The following CNTNAP5 variants were observed in gnomAD, a reference collection of about 807,000 sequenced individuals.
The protein encoded by CNTNAP5 is contactin-associated protein-like 5.
Under a neutral mutation model 150.2 loss-of-function variants are expected in CNTNAP5, and 72 were observed. The observed-to-expected ratio is 0.48, with a 90% CI of 0.40 to 0.58. The LOEUF (loss-of-function observed/expected upper bound fraction) is 0.58, where lower values mean the gene tolerates loss of function less well. Among genes scored for constraint, CNTNAP5 ranks in the 20% least tolerant of loss-of-function variants. The pLI, the probability that CNTNAP5 is intolerant of heterozygous loss-of-function variation, is 0.00. For synonymous variants in CNTNAP5, 672 were observed against 619.8 expected (o/e 1.08, Z -1.25); for missense variants, 1,636 against 1,626.2 (o/e 1.01, Z -0.10).
In CNTNAP5 at chr2:124,798,369, G is replaced by A. The variant is rs757570313; in HGVS notation, c.3217+49G>A. 6.0e-5 allele frequency: 81 copies of A among 1,358,036 alleles called. No homozygotes were observed. The South Asian group carries it at 8.7e-4, about 15-fold the overall frequency. The allele number at this position is 1,358,036 out of a possible 1,614,324, so 84.1% of individuals were successfully genotyped here. On this transcript the variant is annotated intron_variant, in intron 19 of 23. Coordinates refer to ENST00000682447, the MANE Select transcript of CNTNAP5 (RefSeq NM_001367498.1). The stretch of plus-strand genomic sequence containing the variant: ...AGCGGAGTCTCAGCCTGGGCTGGAG[G>A]GACGGTGCATGCCCTCCAGAACTCT...
intron 3 of CNTNAP5, among the ~76,000 whole-genome samples, chr2:124,289,561 T>C (rs994229250): frequency 1.3e-5 from 2 of 152,220 alleles, no homozygotes; most frequent in South Asian, 4.1e-4. Context: ...AGAAGAAACG[T>C]AATAAAATGA....
At chr2:124,746,175 A>T (rs1680599089) in intron 13 of CNTNAP5, among the ~76,000 whole-genome samples, 1 of 152,192 alleles carries the variant, frequency 6.6e-6, no homozygotes, top group African/African-American at 2.4e-5. Flanking sequence ...AATCACAAAT[A>T]AGACAATTAC....
chr2:124,889,703 G>A (rs1678154470), intron 21 of CNTNAP5, among the ~76,000 whole-genome samples: 1 of 152,148 alleles, frequency 6.6e-6, no homozygotes, highest in Admixed American at 6.5e-5. Flanking sequence ...TTGTCTGTTA[G>A]TGCTAATGCC....
chr2:124,652,115 A>G (rs1209984833), intron 13 of CNTNAP5, among the ~76,000 whole-genome samples: 6 of 152,306 alleles, frequency 3.9e-5, no homozygotes, highest in East Asian at 1.9e-4. Flanking sequence ...AGAACTACTG[A>G]TAAGTGCCAA....
intron 14 of CNTNAP5, among the ~76,000 whole-genome samples, chr2:124,751,592 A>T (rs540842137): frequency 6.6e-6 from 1 of 152,350 alleles, no homozygotes; most frequent in South Asian, 2.1e-4. Flanking sequence ...CATGCAACTT[A>T]TTTCTTGACA....
intron 12 of CNTNAP5, among the ~76,000 whole-genome samples, chr2:124,611,931 T>A (rs544285678): frequency 1.5e-3 from 221 of 152,314 alleles, no homozygotes; most frequent in Non-Finnish European, 2.9e-3. Flanking sequence ...TTTTTTTATC[T>A]CCATCTAACG....
intron 1 of CNTNAP5, among the ~76,000 whole-genome samples, chr2:124,038,919 G>T (rs1030508669): frequency 6.6e-6 from 1 of 152,328 alleles, no homozygotes; most frequent in Non-Finnish European, 1.5e-5. Flanking sequence ...GAGCCACACT[G>T]GGTGTGCCCC....
At chr2:124,128,459 G>T (rs1353957415) in intron 1 of CNTNAP5, among the ~76,000 whole-genome samples, 1 of 152,146 alleles carries the variant, frequency 6.6e-6, no homozygotes, top group African/African-American at 2.4e-5. Flanking sequence ...TTACACTGTT[G>T]GTGGGACTGT....
At chr2:124,840,503 C>T (rs758041662) in intron 19 of CNTNAP5, among the ~76,000 whole-genome samples, 5 of 152,144 alleles carry the variant, frequency 3.3e-5, no homozygotes, top group African/African-American at 7.2e-5. Flanking sequence ...ATCCAGCAAA[C>T]GAAAGGTGGA....
chr2:124,727,947 A>G (rs1045860320), intron 13 of CNTNAP5, among the ~76,000 whole-genome samples: 20 of 152,182 alleles, frequency 1.3e-4, no homozygotes, highest in African/African-American at 3.8e-4. Context: ...TAGGTTAGTC[A>G]TATATGACCT....
At chr2:124,364,967 A>G (rs1690330558) in intron 3 of CNTNAP5, among the ~76,000 whole-genome samples, 1 of 152,134 alleles carries the variant, frequency 6.6e-6, no homozygotes, top group Non-Finnish European at 1.5e-5. Context: ...ACTAAACTGA[A>G]ATTCTAAGAG....
chr2:124,046,812 T>A (rs1474014589), intron 1 of CNTNAP5, among the ~76,000 whole-genome samples: 2 of 152,112 alleles, frequency 1.3e-5, no homozygotes, highest in African/African-American at 4.8e-5. Context: ...TGCCTCAACA[T>A]CCCCTGAGTG....
chr2:124,514,484 G>A (rs546172701), intron 8 of CNTNAP5, among the ~76,000 whole-genome samples: 2 of 152,214 alleles, frequency 1.3e-5, no homozygotes, highest in Non-Finnish European at 2.9e-5. Context: ...GTAACTTGAA[G>A]TTCCTCTCAT....
At chr2:124,484,358 A>T (rs1355770169) in intron 7 of CNTNAP5, among the ~76,000 whole-genome samples, 1 of 152,226 alleles carries the variant, frequency 6.6e-6, no homozygotes, top group Non-Finnish European at 1.5e-5. Flanking sequence ...ATATACGGTC[A>T]GGAAATATAT....
At chr2:124,270,635 C>T (rs571227290) in intron 3 of CNTNAP5, among the ~76,000 whole-genome samples, 1 of 152,298 alleles carries the variant, frequency 6.6e-6, no homozygotes, top group African/African-American at 2.4e-5. Context: ...AGAATGACTA[C>T]TGAGTATGTA....
rs190959727 is a variant in CNTNAP5 at position 124,543,425 on chromosome 2, T to A, written c.1649+15969T>A. On this transcript the variant is annotated intron_variant, in intron 10 of 23. Transcript: ENST00000682447. ...CCTCCTGGTAATAAGATCTGCTGAGTGTACCCTGTGGATTCTGTGCGCCCC... is the reference window on the plus strand; with the variant it reads ...CCTCCTGGTAATAAGATCTGCTGAGAGTACCCTGTGGATTCTGTGCGCCCC... Among the ~76,000 whole-genome samples the A allele has an allele frequency of 3.0e-4, 46 of 152,266 alleles. No homozygotes were observed. In the East Asian group the frequency reaches 7.9e-3, roughly 26 times the overall value.
intron 21 of CNTNAP5, among the ~76,000 whole-genome samples, chr2:124,870,550 A>T (rs531587948): frequency 1.3e-5 from 2 of 152,146 alleles, no homozygotes; most frequent in African/African-American, 4.8e-5. Context: ...GTAAAGTTGG[A>T]TTTTGTTTCT....
At chr2:124,548,803 G>A (rs1468021787) in intron 10 of CNTNAP5, among the ~76,000 whole-genome samples, 2 of 152,150 alleles carry the variant, frequency 1.3e-5, no homozygotes, top group Non-Finnish European at 2.9e-5. Context: ...ATTGTGCTTT[G>A]TCTTGATTTT....
chr2:124,108,001 A>T (rs1204140906), intron 1 of CNTNAP5, among the ~76,000 whole-genome samples: 1 of 152,200 alleles, frequency 6.6e-6, no homozygotes, highest in South Asian at 2.1e-4. Flanking sequence ...CTTTCACTGA[A>T]TACACAATTT....
Sources: allele counts gnomAD v4.1 joint callset (sites outside exome capture counted in the v4.1 genomes callset), GRCh38; gene constraint gnomAD v4.1.1; transcripts MANE v1.5; gene names NCBI Gene and HGNC (gene_info 2026-07-23, HGNC 2026-07-21).